The following PTGFR variants were observed in gnomAD, a reference collection of about 807,000 sequenced individuals.
PTGFR encodes the protein prostaglandin F2-alpha receptor.
A neutral mutation model predicts 26.2 loss-of-function variants in PTGFR; 15 were observed. The observed-to-expected ratio is 0.57, with a 90% CI of 0.38 to 0.88. The LOEUF (loss-of-function observed/expected upper bound fraction) is 0.88, where lower values mean the gene tolerates loss of function less well. Ranked by LOEUF, PTGFR falls within the 40% of genes least tolerant of loss-of-function variation. PTGFR has a pLI of 0.00. For synonymous variants in PTGFR, 165 were observed against 151.1 expected (o/e 1.09, Z -0.68); for missense variants, 369 against 427.2 (o/e 0.86, Z 1.20).
Position 78,494,074 on chromosome 1 carries a change from A to G in PTGFR, c.798+533A>G, listed in dbSNP as rs546772793. On this transcript the variant is annotated intron_variant, in intron 2 of 2. Coordinates refer to ENST00000370757, the MANE Select transcript of PTGFR (RefSeq NM_000959.4). ...TCAGTAATTCACTAACTCAGGAACA[A>G]TGCCATTAGTCCAGGGAGAGGTATG... Among the ~76,000 whole-genome samples the G allele has an allele frequency of 5.3e-5, 8 of 152,378 alleles. No individual in the cohort carries two copies. The South Asian group carries it at 1.7e-3, about 32-fold the overall frequency.
chr1:78,499,307 C>G (rs1254172332), intron 2 of PTGFR, among the ~76,000 whole-genome samples: 1 of 152,234 alleles, frequency 6.6e-6, no homozygotes, highest in African/African-American at 2.4e-5. Flanking sequence ...TGCTTTATCT[C>G]CCTCATAGGA....
At chr1:78,519,002 T>C (rs1650161469) in intron 2 of PTGFR, among the ~76,000 whole-genome samples, 1 of 152,190 alleles carries the variant, frequency 6.6e-6, no homozygotes, top group South Asian at 2.1e-4. Flanking sequence ...TCATTCCCAG[T>C]TGAATAGAAT....
At position 78,492,857 on chromosome 1, in the gene PTGFR, A is replaced by G. The variant is rs1340120642; in HGVS notation, c.114A>G (p.Thr38=). Residue 38 remains threonine, a synonymous_variant, in exon 2 of 3, where the codon ACA becomes ACG. Transcript: ENST00000370757. ...TATTTTTTTCAGTAATCTTCATGAC[A>G]GTGGGAATCTTGTCAAACAGCCTTG... The part of the protein sequence containing the change: ...LSVFFSVIFM[T]VGILSNSLAI... 1.2e-6 allele frequency: 2 copies of G among 1,614,128 alleles called. No individual in the cohort carries two copies. Among genetic ancestry groups the G allele is most frequent in the East Asian group, 4.5e-5 (2 of 44,898 alleles).
At chr1:78,504,864 G>A (rs1649790995) in intron 2 of PTGFR, among the ~76,000 whole-genome samples, 2 of 151,998 alleles carry the variant, frequency 1.3e-5, no homozygotes, top group Non-Finnish European at 2.9e-5. Context: ...ATTCTAACAT[G>A]TGCTTGGATA....
intron 2 of PTGFR, among the ~76,000 whole-genome samples, chr1:78,496,270 T>TC (rs1649550905): frequency 6.6e-6 from 1 of 152,176 alleles, no homozygotes; most frequent in Admixed American, 6.5e-5. Flanking sequence ...TCTCTTTTTT[T>TC]CTCTCACATA....
intron 2 of PTGFR, among the ~76,000 whole-genome samples, chr1:78,525,268 A>G (rs945003891): frequency 6.6e-6 from 1 of 152,066 alleles, no homozygotes; most frequent in Admixed American, 6.6e-5. Flanking sequence ...ACCATCTGCA[A>G]GCTTGGGAGA....
chr1:78,499,511 G>A (rs957010530), intron 2 of PTGFR, among the ~76,000 whole-genome samples: 39 of 152,236 alleles, frequency 2.6e-4, no homozygotes, highest in African/African-American at 7.2e-4. Context: ...GGAGGGCCCA[G>A]TTGTTGACTA....
chr1:78,513,978 C>T (rs1037402185), intron 2 of PTGFR, among the ~76,000 whole-genome samples: 4 of 152,224 alleles, frequency 2.6e-5, no homozygotes, highest in Non-Finnish European at 5.9e-5. Flanking sequence ...GTGGCTTCTG[C>T]CTAGATTTTA....
chr1:78,513,243 C>T (rs1171279888), intron 2 of PTGFR, among the ~76,000 whole-genome samples: 1 of 152,124 alleles, frequency 6.6e-6, no homozygotes, highest in African/African-American at 2.4e-5. Flanking sequence ...AAGTTGGAAA[C>T]TTCTTAGAGA....
At chr1:78,509,946 T>G (rs1649925638) in intron 2 of PTGFR, among the ~76,000 whole-genome samples, 1 of 152,208 alleles carries the variant, frequency 6.6e-6, no homozygotes, top group African/African-American at 2.4e-5. Context: ...ACCACAGCAT[T>G]GATGCCACCC....
chr1:78,508,537 C>T (rs575438398), intron 2 of PTGFR, among the ~76,000 whole-genome samples: 1 of 152,236 alleles, frequency 6.6e-6, no homozygotes, highest in South Asian at 2.1e-4. Flanking sequence ...TCACTGTCCC[C>T]ATAGCAAGTG....
intron 2 of PTGFR, among the ~76,000 whole-genome samples, chr1:78,521,795 G>T (rs1352131589): frequency 6.6e-6 from 1 of 152,120 alleles, no homozygotes; most frequent in African/African-American, 2.4e-5. Flanking sequence ...TCTCCAGTAA[G>T]TGTAATGGCT....
At chr1:78,491,803 A>C (rs538777536) in intron 1 of PTGFR, among the ~76,000 whole-genome samples, 52 of 152,310 alleles carry the variant, frequency 3.4e-4, no homozygotes, top group Middle Eastern at 3.4e-3. Flanking sequence ...AGCCTCCGGG[A>C]AAGCTAGCTG....
chr1:78,533,517 A>C (rs751312628), intron 2 of PTGFR, among the ~76,000 whole-genome samples: 5 of 152,156 alleles, frequency 3.3e-5, no homozygotes, highest in Non-Finnish European at 4.4e-5. Flanking sequence ...TGTTCTCAGA[A>C]TCCCTTCAGT....
At chr1:78,498,027 T>A (rs41309205) in intron 2 of PTGFR, 19,068 of 1,046,944 alleles carry the variant, frequency 0.018, 280 homozygotes, top group African/African-American at 0.055. Flanking sequence ...TGCTAATATT[T>A]CTAGTCAACA....
intron 2 of PTGFR, among the ~76,000 whole-genome samples, chr1:78,519,099 G>T (rs1475678067): frequency 6.6e-6 from 1 of 152,152 alleles, no homozygotes; most frequent in African/African-American, 2.4e-5. Context: ...TATATGCAAA[G>T]ATACCTTGAT....
At chr1:78,534,237 T>C (rs1232464467) in intron 2 of PTGFR, among the ~76,000 whole-genome samples, 1 of 152,142 alleles carries the variant, frequency 6.6e-6, no homozygotes, top group Non-Finnish European at 1.5e-5. Context: ...GGAATACAAG[T>C]GCGGGTGGGC....
intron 2 of PTGFR, among the ~76,000 whole-genome samples, chr1:78,529,695 G>C (rs1175100933): frequency 2.0e-5 from 3 of 152,132 alleles, no homozygotes; most frequent in Non-Finnish European, 4.4e-5. Context: ...GATTAAAAAA[G>C]TAAAAACAAA....
intron 2 of PTGFR, chr1:78,532,215 A>G (rs1368144587): frequency 2.5e-6 from 1 of 407,070 alleles, no homozygotes; most frequent in Non-Finnish European, 4.8e-6. Context: ...TTTTAAAGCG[A>G]TAAGACACTC....
Sources: gnomAD v4.1 joint callset for allele counts (sites outside exome capture counted in the v4.1 genomes callset) on GRCh38, gnomAD v4.1.1 for gene constraint, MANE v1.5 for transcripts, NCBI Gene and HGNC (gene_info 2026-07-23, HGNC 2026-07-21) for gene names.